The following LOXL2 variants were observed in gnomAD, a reference collection of about 807,000 sequenced individuals.
The protein encoded by LOXL2 is lysyl oxidase like 2, also known as lysyl oxidase homolog 2.
Under a neutral mutation model 93.0 loss-of-function variants are expected in LOXL2, and 70 were observed. The ratio of observed to expected loss-of-function variants is 0.75; its 90% CI spans 0.62 to 0.92. LOXL2 has a LOEUF of 0.92. LOXL2 is among the 40% of genes least tolerant of loss of function. LOXL2 has a pLI of 0.00. For synonymous variants in LOXL2, 438 were observed against 413.2 expected (o/e 1.06, Z -0.73); for missense variants, 973 against 1,054.9 (o/e 0.92, Z 1.08).
At chr8:23,304,292 C>G (rs1000758858) in intron 10 of LOXL2, among the ~76,000 whole-genome samples, 2 of 152,208 alleles carry the variant, frequency 1.3e-5, no homozygotes, top group African/African-American at 4.8e-5. Context: ...GGAACACATG[C>G]GCTTGGTTTA....
intron 12 of LOXL2, 100 bp from the exon 13 acceptor site, chr8:23,299,047 G>A: frequency 6.9e-6 from 5 of 727,994 alleles, no homozygotes; most frequent in Non-Finnish European, 9.9e-6. Context: ...GAAGGGGAGC[G>A]TGGCAGGTGC....
chr8:23,387,378 T>C (rs1481337110), intron 1 of LOXL2, among the ~76,000 whole-genome samples: 1 of 152,106 alleles, frequency 6.6e-6, no homozygotes, highest in Non-Finnish European at 1.5e-5. Context: ...GTATTCCTTA[T>C]AAACATCAGG....
intron 2 of LOXL2, among the ~76,000 whole-genome samples, chr8:23,362,899 C>T (rs1038679823): frequency 1.3e-5 from 2 of 152,130 alleles, no homozygotes; most frequent in Non-Finnish European, 2.9e-5. Context: ...TCTCACCGCT[C>T]CTTTTAGGAG....
At chr8:23,391,640 G>A (rs369364416) in intron 1 of LOXL2, among the ~76,000 whole-genome samples, 2 of 152,318 alleles carry the variant, frequency 1.3e-5, no homozygotes, top group South Asian at 2.1e-4. Flanking sequence ...ACAAAAGGCA[G>A]GCAAGGGGAA....
chr8:23,366,855 C>T (rs753397900), intron 2 of LOXL2, among the ~76,000 whole-genome samples: 2 of 152,134 alleles, frequency 1.3e-5, no homozygotes, highest in Non-Finnish European at 2.9e-5. Flanking sequence ...TATCTCTTTC[C>T]TATTTGGGAA....
chr8:23,397,187 C>T (rs1287214657), intron 1 of LOXL2, among the ~76,000 whole-genome samples: 2 of 151,352 alleles, frequency 1.3e-5, no homozygotes, highest in East Asian at 3.9e-4. Context: ...ATGGGGGCTG[C>T]CAGGGATTGG....
At chr8:23,320,908 A>C (rs1803485032) in intron 7 of LOXL2, among the ~76,000 whole-genome samples, 1 of 152,168 alleles carries the variant, frequency 6.6e-6, no homozygotes, top group Admixed American at 6.5e-5. Flanking sequence ...ACCGTCTCAA[A>C]AAACAAACGA....
chr8:23,373,983 G>A (rs561738968), intron 1 of LOXL2, among the ~76,000 whole-genome samples: 3 of 152,020 alleles, frequency 2.0e-5, no homozygotes, highest in Non-Finnish European at 2.9e-5. Context: ...AAGTTCTAGG[G>A]TACATGTGCA....
rs1238121099 is a variant in LOXL2, at chr8:23,403,947, C to T, written c.-84+7G>A. On this transcript the variant is annotated splice_region_variant and intron_variant, in intron 1 of 13. Transcript: ENST00000389131. Reference sequence around the variant, plus strand: ...CGGGGAGGGGGTGGCGCGGGAAGCGCTCTTACTTGGTTTCAGGGATCCGCA... The same window carrying T: ...CGGGGAGGGGGTGGCGCGGGAAGCGTTCTTACTTGGTTTCAGGGATCCGCA... The T allele has an allele frequency of 6.2e-6, 1 of 161,178 alleles. No homozygotes were observed. The highest frequency in any genetic ancestry group is 2.4e-5 in the African/African-American group (1 of 41,546). 10.0% of individuals were successfully genotyped at this position (161,178 alleles called of 1,614,324 possible). A position where few individuals can be genotyped will look rare whatever the true frequency, so the allele number is the denominator to read the frequency against.
chr8:23,329,984 G>A (rs558838705), intron 5 of LOXL2, among the ~76,000 whole-genome samples: 1 of 152,246 alleles, frequency 6.6e-6, no homozygotes, highest in South Asian at 2.1e-4. Flanking sequence ...AAGAAAAAAG[G>A]GGAAAACAGC....
chr8:23,358,956 T>C (rs1455798342), intron 3 of LOXL2, among the ~76,000 whole-genome samples: 2 of 151,802 alleles, frequency 1.3e-5, no homozygotes, highest in Non-Finnish European at 2.9e-5. Context: ...ATTCTCCTGC[T>C]TCAGCCTCCT....
At position 23,346,182 on chromosome 8, in the gene LOXL2, TAATAAAATAA is replaced by T. The variant is rs1310826066; in HGVS notation, c.532-4989_532-4980del. Among the ~76,000 whole-genome samples the T allele has an allele frequency of 8.2e-3, 825 of 100,440 alleles. 9 individuals carry two copies. The highest frequency in any genetic ancestry group is 0.035 in the African/African-American group (760 of 21,538). The allele number at this position is 100,440 out of a possible 152,430, so 65.9% of individuals were successfully genotyped here. A position where few individuals can be genotyped will look rare whatever the true frequency, so the allele number is the denominator to read the frequency against. Reference sequence around the variant, plus strand: ...AAAAAATAAAATAAAATAAATAAAATAATAAAATAAAATAAAATAAAATAAATAAAATAAA... The same window carrying T: ...AAAAAATAAAATAAAATAAATAAAATAATAAAATAAAATAAATAAAATAAA... On this transcript the variant is annotated intron_variant, in intron 3 of 13. Coordinates refer to ENST00000389131, the MANE Select transcript of LOXL2 (RefSeq NM_002318.3).
intron 1 of LOXL2, among the ~76,000 whole-genome samples, chr8:23,393,796 T>C (rs1343891799): frequency 3.3e-5 from 5 of 152,244 alleles, no homozygotes; most frequent in African/African-American, 4.8e-5. Context: ...AAAAGGGTGA[T>C]GACCAAATAT....
chr8:23,340,926 A>C, intron 4 of LOXL2, 66 bp downstream of exon 4: 1 of 1,413,818 alleles, frequency 7.1e-7, no homozygotes, highest in Non-Finnish European at 1.0e-6. Flanking sequence ...ACCAGGGCGG[A>C]CACTTTTAAC....
intron 1 of LOXL2, among the ~76,000 whole-genome samples, chr8:23,386,642 T>G (rs1804765016): frequency 6.6e-6 from 1 of 152,060 alleles, no homozygotes; most frequent in South Asian, 2.1e-4. Flanking sequence ...AACAGGCAGA[T>G]CTATTCTCAG....
chr8:23,306,856 A>T (rs1360858621), intron 10 of LOXL2, among the ~76,000 whole-genome samples: 5 of 152,224 alleles, frequency 3.3e-5, no homozygotes, highest in Non-Finnish European at 5.9e-5. Flanking sequence ...CGGTGGCCCC[A>T]CAAGAGGCAG....
At chr8:23,398,468 C>G (rs1319552589) in intron 1 of LOXL2, among the ~76,000 whole-genome samples, 1 of 152,180 alleles carries the variant, frequency 6.6e-6, no homozygotes, top group Non-Finnish European at 1.5e-5. Context: ...GTGAAGGGAT[C>G]AAAAGCCCTG....
At chr8:23,338,542 C>T (rs1803832889) in intron 4 of LOXL2, among the ~76,000 whole-genome samples, 1 of 152,116 alleles carries the variant, frequency 6.6e-6, no homozygotes, top group Non-Finnish European at 1.5e-5. Flanking sequence ...CTGGGAATTA[C>T]TTTGAAAATA....
chr8:23,333,449 G>A lies in LOXL2; in HGVS notation c.918C>T (p.Val306=), dbSNP rs921768677. The change falls in exon 5 of 14, where the codon GTC becomes GTT. Residue 306 remains valine, a synonymous_variant. Coordinates refer to ENST00000389131, the MANE Select transcript of LOXL2 (RefSeq NM_002318.3). The part of the protein sequence containing the change: ...PAVVSCVPGQ[V]FSPDGPSRFR... ...ATCTTGAGGGTCCGTCAGGGCTGAAGACCTGCCCAGGCACACAACTCACCA... is the reference window on the plus strand; with the variant it reads ...ATCTTGAGGGTCCGTCAGGGCTGAAAACCTGCCCAGGCACACAACTCACCA... 1.9e-6 allele frequency: 3 copies of A among 1,613,804 alleles called. No individual in the cohort carries two copies. Among genetic ancestry groups the A allele is most frequent in the African/African-American group, 2.7e-5 (2 of 74,938 alleles).
Sources: gnomAD v4.1 joint callset for allele counts (sites outside exome capture counted in the v4.1 genomes callset) on GRCh38, gnomAD v4.1.1 for gene constraint, MANE v1.5 for transcripts, NCBI Gene and HGNC (gene_info 2026-07-23, HGNC 2026-07-21) for gene names.